The following ANKRD44 variants were observed in gnomAD, a reference collection of about 807,000 sequenced individuals.
The protein encoded by ANKRD44 is serine/threonine-protein phosphatase 6 regulatory ankyrin repeat subunit B.
In ANKRD44, 35 loss-of-function variants were observed where a neutral mutation model predicts 116.0. The ratio of observed to expected loss-of-function variants is 0.30; its 90% confidence interval spans 0.23 to 0.40. The LOEUF is 0.40. ANKRD44 is among the 10% of genes least tolerant of loss of function. The probability of loss-of-function intolerance (pLI) is 1.00; values close to 1 mark genes in which losing one functional copy is unlikely to be tolerated. For missense variants in ANKRD44, 1,014 were observed against 1,242.6 expected (o/e 0.82, Z 2.77); for synonymous variants, 435 against 461.8 (o/e 0.94, Z 0.74).
chr2:197,125,883 C>A lies in ANKRD44; in HGVS notation c.416G>T (p.Gly139Val). The A allele has an allele frequency of 6.2e-7, 1 of 1,614,212 alleles. No homozygotes were observed. Among genetic ancestry groups the A allele is most frequent in the Non-Finnish European group, 8.5e-7 (1 of 1,180,048 alleles). Reference sequence around the variant, plus strand: ...CGCATGGTGCAAGGCTGTGCGCCCCCCTCGGTCGGAGACATTGACACTGCT... The same window carrying A: ...CGCATGGTGCAAGGCTGTGCGCCCCACTCGGTCGGAGACATTGACACTGCT... ...LLSSVNVSDR[G>V]GRTALHHAAL... Residue 139 changes from glycine (G) to valine (V), a missense_variant, in exon 5 of 28, where the codon GGG (glycine) becomes GTG (valine). Transcript: ENST00000282272.
At chr2:197,290,286 G>A (rs982870388) in intron 1 of ANKRD44, among the ~76,000 whole-genome samples, 3 of 152,044 alleles carry the variant, frequency 2.0e-5, no homozygotes, top group Non-Finnish European at 2.9e-5. Context: ...TTTTAATTAC[G>A]GCTATTCTTG....
At chr2:197,246,929 C>A (rs1205728204) in intron 1 of ANKRD44, among the ~76,000 whole-genome samples, 1 of 152,204 alleles carries the variant, frequency 6.6e-6, no homozygotes, top group Non-Finnish European at 1.5e-5. Flanking sequence ...CCAATATTCA[C>A]ACTCCCCATG....
At chr2:197,116,496 T>C (rs1308515179) in intron 8 of ANKRD44, among the ~76,000 whole-genome samples, 1 of 152,166 alleles carries the variant, frequency 6.6e-6, no homozygotes, top group Middle Eastern at 3.2e-3. Flanking sequence ...AAAGATTCCT[T>C]ACCAACCTCA....
At chr2:197,029,743 T>C (rs543899910) in intron 16 of ANKRD44, 106 of 285,754 alleles carry the variant, frequency 3.7e-4, no homozygotes, top group African/African-American at 1.9e-3. Context: ...CTGAGAGGCA[T>C]AGATCTTTTT....
chr2:197,124,134 T>C (rs2078922423), intron 6 of ANKRD44, among the ~76,000 whole-genome samples: 1 of 152,212 alleles, frequency 6.6e-6, no homozygotes, highest in African/African-American at 2.4e-5. Context: ...TCATTTCATA[T>C]GCTTCAGCCA....
intron 16 of ANKRD44, among the ~76,000 whole-genome samples, chr2:197,063,143 C>T (rs573851336): frequency 6.6e-6 from 1 of 152,302 alleles, no homozygotes; most frequent in South Asian, 2.1e-4. Context: ...AATCAGGCAG[C>T]AACATTTGCT....
intron 1 of ANKRD44, among the ~76,000 whole-genome samples, chr2:197,249,918 T>G (rs1483468557): frequency 6.6e-6 from 1 of 152,216 alleles, no homozygotes; most frequent in Non-Finnish European, 1.5e-5. Context: ...GCTGACTTAT[T>G]CCAGAAATCA....
At chr2:197,025,455 G>T (rs1380720257) in intron 16 of ANKRD44, among the ~76,000 whole-genome samples, 188 bp from the exon 17 acceptor site, 2 of 152,136 alleles carry the variant, frequency 1.3e-5, no homozygotes, top group African/African-American at 4.8e-5. Flanking sequence ...CTCAGCACTT[G>T]AATCCAGAAA....
chr2:197,206,397 A>C (rs2081206488), intron 1 of ANKRD44, among the ~76,000 whole-genome samples: 1 of 152,198 alleles, frequency 6.6e-6, no homozygotes, highest in South Asian at 2.1e-4. Context: ...AAAAGTATTA[A>C]ATAAGGCAAG....
intron 15 of ANKRD44, among the ~76,000 whole-genome samples, chr2:197,079,942 C>T (rs1244333300): frequency 2.0e-5 from 3 of 152,184 alleles, no homozygotes; most frequent in Non-Finnish European, 2.9e-5. Flanking sequence ...CAAATACCCA[C>T]ATGTCAATAA....
rs150933429 is a variant in ANKRD44 at position 197,013,652 on chromosome 2, T to C, written c.1783A>G (p.Ile595Val). ...VLLQSLVDLD[I>V]RDEKGRTALD... is the part of the protein sequence containing the mutation. ...GCAGTGCGGCCTTTCTCATCCCTGA[T>C]GTCCAGGTCCACCAACGACTGCAGA... is the stretch of plus-strand genomic sequence containing the variant. Residue 595 changes from isoleucine (I) to valine (V), a missense_variant, in exon 18 of 28, where the codon ATC becomes GTC. Physicochemically the swap from Ile to Val is conservative, Grantham distance 29 (BLOSUM62 3). Transcript: ENST00000282272. 3 of 1,613,956 alleles carry C rather than the reference T, an allele frequency of 1.9e-6. No individual in the cohort carries two copies. The highest frequency in any genetic ancestry group is 1.1e-5 in the South Asian group (1 of 91,082).
At chr2:197,025,747 G>A (rs1574300969) in intron 16 of ANKRD44, among the ~76,000 whole-genome samples, 1 of 152,352 alleles carries the variant, frequency 6.6e-6, no homozygotes, top group Non-Finnish European at 1.5e-5. Flanking sequence ...TACAGCAGAT[G>A]GCCAGGCAAG....
chr2:197,139,197 ACT>A (rs1033517489), intron 3 of ANKRD44, among the ~76,000 whole-genome samples: 28 of 152,078 alleles, frequency 1.8e-4, no homozygotes, highest in Non-Finnish European at 7.4e-5. Flanking sequence ...CCCTAGAGAA[ACT>A]CTCACACATG....
At chr2:197,284,295 A>C (rs1429007442) in intron 1 of ANKRD44, among the ~76,000 whole-genome samples, 2 of 152,158 alleles carry the variant, frequency 1.3e-5, no homozygotes, top group African/African-American at 4.8e-5. Flanking sequence ...TATTCGCTGC[A>C]TTCCCTATCA....
At chr2:197,156,945 G>A (rs935655391) in intron 2 of ANKRD44, among the ~76,000 whole-genome samples, 3 of 152,192 alleles carry the variant, frequency 2.0e-5, no homozygotes, top group Non-Finnish European at 2.9e-5. Context: ...CGGGCCTAAG[G>A]GAGAGACTGG....
chr2:197,181,855 G>A (rs188825075), intron 2 of ANKRD44, among the ~76,000 whole-genome samples: 89 of 152,276 alleles, frequency 5.8e-4, no homozygotes, highest in African/African-American at 2.0e-3. Flanking sequence ...GTCTAGTTCC[G>A]TTTTAATTTG....
intron 25 of ANKRD44, among the ~76,000 whole-genome samples, chr2:196,997,143 A>G (rs970683599): frequency 1.3e-5 from 2 of 151,854 alleles, no homozygotes; most frequent in African/African-American, 2.4e-5. Context: ...CATGTATAAT[A>G]CAAATATTCC....
chr2:197,066,241 C>A (rs1325575963), intron 16 of ANKRD44, among the ~76,000 whole-genome samples: 1 of 152,160 alleles, frequency 6.6e-6, no homozygotes, highest in South Asian at 2.1e-4. Context: ...ATTCAACAGA[C>A]CTTCATGCTA....
chr2:197,018,071 C>T (rs1032339778), intron 17 of ANKRD44, among the ~76,000 whole-genome samples: 1 of 152,200 alleles, frequency 6.6e-6, no homozygotes, highest in Non-Finnish European at 1.5e-5. Context: ...CTTTAAAATA[C>T]GTCCAGAATC....
Sources: allele counts gnomAD v4.1 joint callset (sites outside exome capture counted in the v4.1 genomes callset), GRCh38; gene constraint gnomAD v4.1.1; transcripts MANE v1.5; gene names NCBI Gene and HGNC (gene_info 2026-07-23, HGNC 2026-07-21).